Variants in ZNF460 observed in about 807,000 individuals in gnomAD.
ZNF460 encodes zinc finger protein 272.
A neutral mutation model predicts 8.4 loss-of-function variants in ZNF460; 1 was observed. The observed-to-expected ratio is 0.12, with a 90% CI of 0.04 to 0.56. The LOEUF is 0.56. Ranked by LOEUF, ZNF460 falls within the 20% of genes least tolerant of loss-of-function variation. The pLI is 0.91. For synonymous variants in ZNF460, 262 were observed against 259.9 expected (o/e 1.01, Z -0.08); for missense variants, 477 against 714.8 (o/e 0.67, Z 3.79).
rs797021298 is a variant in ZNF460, at chr19:57,281,457, A to G, written c.30+621A>G. On this transcript the variant is annotated intron_variant, in intron 1 of 2. Transcript: ENST00000360338. ...GTTTGTCAAGGATGTAATGGGAACA[A>G]AGAAAAATAATTGCAAAGAATGATA... Among the ~76,000 whole-genome samples the G allele has an allele frequency of 8.5e-4, 129 of 152,282 alleles. 1 individual carries two copies. The Middle Eastern group carries it at 0.014, about 16-fold the overall frequency.
chr19:57,283,433 G>T (rs1465348685), intron 1 of ZNF460, among the ~76,000 whole-genome samples: 1 of 150,770 alleles, frequency 6.6e-6, no homozygotes, highest in African/African-American at 2.4e-5. Flanking sequence ...CTCCGAAACT[G>T]CTGGGATTAC....
In ZNF460 at chr19:57,291,272, G is replaced by A. The variant is rs200956465; in HGVS notation, c.731G>A (p.Arg244Gln). 25 of 1,614,016 alleles carry A rather than the reference G, an allele frequency of 1.5e-5. No individual in the cohort carries two copies. Among genetic ancestry groups the A allele is most frequent in the South Asian group, 4.4e-5 (4 of 91,066 alleles). The change falls in exon 3 of 3, where the codon CGG (arginine) becomes CAG (glutamine). Residue 244 changes from arginine to glutamine, a missense_variant. Physicochemically the swap from Arg to Gln is conservative, Grantham distance 43 (BLOSUM62 1). Coordinates refer to ENST00000360338, the MANE Select transcript of ZNF460 (RefSeq NM_006635.4). The surrounding 1 kb of genome is among the most constrained non-coding windows in gnomAD (Gnocchi z 8.4). Reference protein sequence around the residue: ...NRRSHLTRHQRTHNGDKPFVC... With the variant: ...NRRSHLTRHQQTHNGDKPFVC... The stretch of plus-strand genomic sequence containing the variant: ...AGGTCACACCTCACACGGCACCAGC[G>A]GACTCACAATGGAGATAAGCCCTTT...
chr19:57,282,778 C>A (rs968771585), intron 1 of ZNF460, among the ~76,000 whole-genome samples: 1 of 151,890 alleles, frequency 6.6e-6, no homozygotes, highest in African/African-American at 2.4e-5. Flanking sequence ...CTGCTTGAGC[C>A]CAGGAGTTCA....
intron 2 of ZNF460, 131 bp downstream of exon 2, chr19:57,284,808 ACT>A: frequency 2.0e-6 from 2 of 983,896 alleles, no homozygotes; most frequent in Non-Finnish European, 2.6e-6. Context: ...CCAAAGCTTT[ACT>A]CTATTTTTTT....
rs1047678134 is a variant in ZNF460, at chr19:57,280,634, G to C, written c.-173G>C. The C allele has an allele frequency of 1.1e-6, 1 of 893,026 alleles. No homozygotes were observed. Among genetic ancestry groups the C allele is most frequent in the Non-Finnish European group, 1.7e-6 (1 of 604,434 alleles). 55.3% of individuals were successfully genotyped at this position (893,026 alleles called of 1,614,324 possible). ...ACGAGGTGTCCCACCGGCGCCCGCC[G>C]AGGCCTAGGCCTCCGCAGCCGCCCT... On this transcript the variant is annotated 5_prime_UTR_variant, in exon 1 of 3. Coordinates refer to ENST00000360338, the MANE Select transcript of ZNF460 (RefSeq NM_006635.4).
rs1416205504 is a variant in ZNF460, at chr19:57,290,799, A to C, written c.258A>C (p.Arg86Ser). 1 of 1,614,074 alleles carries C rather than the reference A, an allele frequency of 6.2e-7. No homozygotes were observed. Among genetic ancestry groups the C allele is most frequent in the Non-Finnish European group, 8.5e-7 (1 of 1,180,050 alleles). The change falls in exon 3 of 3, where the codon AGA (arginine) becomes AGC (serine). Residue 86 changes from arginine to serine, a missense_variant. Transcript: ENST00000360338. ...LQEQLAQGVP[R>S]YSYLGQAMDQ... Reference sequence around the variant, plus strand: ...AACAGCTGGCACAGGGAGTCCCAAGATACTCCTATTTGGGGCAGGCCATGG... The same window carrying C: ...AACAGCTGGCACAGGGAGTCCCAAGCTACTCCTATTTGGGGCAGGCCATGG...
Position 57,280,641 on chromosome 19 carries a change from AG to A in ZNF460, c.-164del, listed in dbSNP as rs982338054. On this transcript the variant is annotated 5_prime_UTR_variant, in exon 1 of 3. Transcript: ENST00000360338. ...GTCCCACCGGCGCCCGCCGAGGCCT[AG>A]GCCTCCGCAGCCGCCCTCCGTCTCC... is the stretch of plus-strand genomic sequence containing the variant. 1.6e-4 allele frequency: 159 copies of A among 976,306 alleles called. 1 individual carries two copies. The Middle Eastern group carries it at 2.0e-3, about 12-fold the overall frequency. The allele number at this position is 976,306 out of a possible 1,614,324, so 60.5% of individuals were successfully genotyped here. A position where few individuals can be genotyped will look rare whatever the true frequency, so the allele number is the denominator to read the frequency against.
intron 2 of ZNF460, among the ~76,000 whole-genome samples, chr19:57,289,696 T>G (rs1283872683): frequency 6.6e-6 from 1 of 151,996 alleles, no homozygotes; most frequent in Non-Finnish European, 1.5e-5. Flanking sequence ...TCCCTCTGGG[T>G]TTCTCTTTAA....
At chr19:57,283,570 T>C (rs1008999210) in intron 1 of ZNF460, among the ~76,000 whole-genome samples, 13 of 144,982 alleles carry the variant, frequency 9.0e-5, no homozygotes, top group South Asian at 4.5e-4. Context: ...GACACAGTCT[T>C]GGCTTACTGC....
intron 2 of ZNF460, among the ~76,000 whole-genome samples, chr19:57,290,408 G>T (rs1181651510): frequency 6.6e-6 from 1 of 151,998 alleles, no homozygotes; most frequent in Admixed American, 6.6e-5. Flanking sequence ...CTCCCCAGTC[G>T]CTGGGATTAT....
At position 57,293,510 on chromosome 19, in the gene ZNF460, CAATGTT is replaced by C. The variant is rs573797462; in HGVS notation, c.*1281_*1286del. Reference sequence around the variant, plus strand: ...TGTTTCTTTTATTGTTTTTAATTGACAATGTTTATGGGGTTTGGTGTGATATTTCAA... The same window carrying C: ...TGTTTCTTTTATTGTTTTTAATTGACTATGGGGTTTGGTGTGATATTTCAA... On this transcript the variant is annotated 3_prime_UTR_variant, in exon 3 of 3. Coordinates refer to ENST00000360338, the MANE Select transcript of ZNF460 (RefSeq NM_006635.4). The C allele has an allele frequency of 2.0e-5, 3 of 152,038 alleles. No homozygotes were observed. The highest frequency in any genetic ancestry group is 4.4e-5 in the Non-Finnish European group (3 of 68,014). 9.4% of individuals were successfully genotyped at this position (152,038 alleles called of 1,614,324 possible). A position where few individuals can be genotyped will look rare whatever the true frequency, so the allele number is the denominator to read the frequency against.
At chr19:57,285,739 A>T (rs886477165) in intron 2 of ZNF460, among the ~76,000 whole-genome samples, 1 of 152,154 alleles carries the variant, frequency 6.6e-6, no homozygotes, top group Non-Finnish European at 1.5e-5. Context: ...GGTTCATGAA[A>T]TGTCGAAGCG....
chr19:57,292,293 T>C lies in ZNF460; in HGVS notation c.*63T>C, dbSNP rs185214458. ...CATCCAAGAATTCCTATTAGCGAAA[T>C]AGTTTTTTAATATAACCACTGAAGA... is the stretch of plus-strand genomic sequence containing the variant. On this transcript the variant is annotated 3_prime_UTR_variant, in exon 3 of 3. Coordinates refer to ENST00000360338, the MANE Select transcript of ZNF460 (RefSeq NM_006635.4). 3.1e-4 allele frequency: 458 copies of C among 1,499,684 alleles called. 1 individual carries two copies. Among genetic ancestry groups the C allele is most frequent in the Admixed American group, 2.1e-3 (103 of 48,546 alleles). 92.9% of individuals were successfully genotyped at this position (1,499,684 alleles called of 1,614,324 possible). A position where few individuals can be genotyped will look rare whatever the true frequency, so the allele number is the denominator to read the frequency against.
rs747694037 is a variant in ZNF460, at chr19:57,291,468, A to G, written c.927A>G (p.Ala309=). Residue 309 remains alanine, a synonymous_variant, in exon 3 of 3, where the codon GCA becomes GCG. Transcript: ENST00000360338. The surrounding 1 kb of genome is among the most constrained non-coding windows in gnomAD (Gnocchi z 8.4). The part of the protein sequence containing the change: ...NKSHNEKKPF[A]CSECGKGFYE... ...GCCACAATGAGAAGAAACCCTTCGCATGCAGCGAATGTGGAAAAGGCTTTT... is the reference window on the plus strand; with the variant it reads ...GCCACAATGAGAAGAAACCCTTCGCGTGCAGCGAATGTGGAAAAGGCTTTT... 7.4e-6 allele frequency: 12 copies of G among 1,613,982 alleles called. No homozygotes were observed. Among genetic ancestry groups the G allele is most frequent in the Non-Finnish European group, 1.0e-5 (12 of 1,179,924 alleles).
rs1414291004 is a variant in ZNF460 at position 57,280,784 on chromosome 19, G to T, written c.-23G>T. 8 of 1,613,768 alleles carry T rather than the reference G, an allele frequency of 5.0e-6. No individual in the cohort carries two copies. Among genetic ancestry groups the T allele is most frequent in the Non-Finnish European group, 6.8e-6 (8 of 1,179,914 alleles). On this transcript the variant is annotated 5_prime_UTR_variant, in exon 1 of 3. Transcript: ENST00000360338. ...CCCAGGACAGAGAAGGGCTGTGGTCGGCTGATCCGCGGCATTCCCGGGATG... is the reference window on the plus strand; with the variant it reads ...CCCAGGACAGAGAAGGGCTGTGGTCTGCTGATCCGCGGCATTCCCGGGATG...
At position 57,292,340 on chromosome 19, in the gene ZNF460, AT is replaced by A. The variant is rs908524019; in HGVS notation, c.*111del. ...AAGAAAATCTGTGGTGAGAGGAAAC[AT>A]CTTACCATCTGGTCATTCATACTGA... On this transcript the variant is annotated 3_prime_UTR_variant, in exon 3 of 3. Transcript: ENST00000360338. 7 of 1,122,562 alleles carry A rather than the reference AT, an allele frequency of 6.2e-6. No individual in the cohort carries two copies. The African/African-American group carries it at 9.3e-5, about 15-fold the overall frequency. The allele number at this position is 1,122,562 out of a possible 1,614,324, so 69.5% of individuals were successfully genotyped here. A position where few individuals can be genotyped will look rare whatever the true frequency, so the allele number is the denominator to read the frequency against.
At chr19:57,284,909 C>G (rs535477432) in intron 2 of ZNF460, among the ~76,000 whole-genome samples, 22 of 151,898 alleles carry the variant, frequency 1.4e-4, no homozygotes, top group Middle Eastern at 3.4e-3. Flanking sequence ...CTCCGTCTCC[C>G]CGATTCAAGT....
chr19:57,293,110 A>G lies in ZNF460; in HGVS notation c.*880A>G, dbSNP rs561859684. On this transcript the variant is annotated 3_prime_UTR_variant, in exon 3 of 3. Transcript: ENST00000360338. ...ATTGTAGCTGTTTGTACATAATGTA[A>G]TCCAGGGAGTCCTAATTCTTCCCTC... The G allele has an allele frequency of 3.9e-5, 6 of 152,274 alleles. 1 individual carries two copies. In the South Asian group the frequency reaches 1.2e-3, roughly 32 times the overall value. The allele number at this position is 152,274 out of a possible 1,614,324, so 9.4% of individuals were successfully genotyped here.
chr19:57,292,362 A>G lies in ZNF460; in HGVS notation c.*132A>G, dbSNP rs2087925070. ...AACATCTTACCATCTGGTCATTCATACTGAAGAGAAACTCCATAAGTATCA... is the reference window on the plus strand; with the variant it reads ...AACATCTTACCATCTGGTCATTCATGCTGAAGAGAAACTCCATAAGTATCA... On this transcript the variant is annotated 3_prime_UTR_variant, in exon 3 of 3. Transcript: ENST00000360338. 2 of 936,686 alleles carry G rather than the reference A, an allele frequency of 2.1e-6. No homozygotes were observed. Among genetic ancestry groups the G allele is most frequent in the Non-Finnish European group, 3.2e-6 (2 of 623,126 alleles). 58.0% of individuals were successfully genotyped at this position (936,686 alleles called of 1,614,324 possible). A position where few individuals can be genotyped will look rare whatever the true frequency, so the allele number is the denominator to read the frequency against.
Sources: gnomAD v4.1 joint callset for allele counts (sites outside exome capture counted in the v4.1 genomes callset) on GRCh38, gnomAD v4.1.1 for gene constraint, Gnocchi (gnomAD v3.1) non-coding constraint, MANE v1.5 for transcripts, NCBI Gene and HGNC (gene_info 2026-07-23, HGNC 2026-07-21) for gene names.